The following CREB5 variants were observed in gnomAD, a reference collection of about 807,000 sequenced individuals.
CREB5 encodes cyclic AMP-responsive element-binding protein 5.
In CREB5, 19 loss-of-function variants were observed where a neutral mutation model predicts 57.1. The observed-to-expected ratio is 0.33, with a 90% CI of 0.23 to 0.49. The LOEUF is 0.49. CREB5 is among the 20% of genes least tolerant of loss of function. The probability of loss-of-function intolerance (pLI) is 0.99; values close to 1 mark genes in which losing one functional copy is unlikely to be tolerated. For missense variants in CREB5, 579 were observed against 671.6 expected, an observed-to-expected ratio of 0.86 and a Z score of 1.52; for synonymous variants, 238 against 238.3, an observed-to-expected ratio of 1.00 and a Z score of 0.01.
chr7:28,321,456 G>C (rs760098347), intron 1 of CREB5, among the ~76,000 whole-genome samples: 1 of 152,050 alleles, frequency 6.6e-6, no homozygotes, highest in Non-Finnish European at 1.5e-5. Context: ...TCTATCACAG[G>C]GTTCTTTGTT....
intron 8 of CREB5, among the ~76,000 whole-genome samples, chr7:28,804,969 G>A (rs1808621745): frequency 6.6e-6 from 1 of 152,188 alleles, no homozygotes; most frequent in Non-Finnish European, 1.5e-5. Flanking sequence ...TAAAATGGAA[G>A]TTAAATACAA....
intron 1 of CREB5, among the ~76,000 whole-genome samples, chr7:28,301,303 G>A (rs1454808736): frequency 6.6e-6 from 1 of 152,214 alleles, no homozygotes; most frequent in East Asian, 1.9e-4. Context: ...ACTAGTGTGT[G>A]TGGGAGCAAA....
chr7:28,759,868 G>A (rs1034475092), intron 7 of CREB5, among the ~76,000 whole-genome samples: 6 of 152,186 alleles, frequency 3.9e-5, no homozygotes, highest in East Asian at 1.9e-4. Flanking sequence ...GTGGTATGCC[G>A]TGGTTGTTTA....
intron 5 of CREB5, among the ~76,000 whole-genome samples, chr7:28,635,977 G>T (rs527338774): frequency 1.1e-3 from 171 of 152,276 alleles, no homozygotes; most frequent in African/African-American, 3.9e-3. Context: ...AGTTGAGCAT[G>T]CCAGAAGAAT....
chr7:28,557,732 C>A (rs950806533), intron 4 of CREB5, among the ~76,000 whole-genome samples: 5 of 152,096 alleles, frequency 3.3e-5, no homozygotes, highest in African/African-American at 4.8e-5. Flanking sequence ...TGGGAAGAAG[C>A]CTTCCAGTTT....
At chr7:28,338,392 C>G (rs1785869224) in intron 1 of CREB5, among the ~76,000 whole-genome samples, 2 of 152,112 alleles carry the variant, frequency 1.3e-5, no homozygotes, top group Non-Finnish European at 2.9e-5. Flanking sequence ...AGCAGACATA[C>G]TATCCCAGGG....
chr7:28,707,438 T>C (rs1802173673), intron 5 of CREB5, among the ~76,000 whole-genome samples: 1 of 152,210 alleles, frequency 6.6e-6, no homozygotes, highest in Non-Finnish European at 1.5e-5. Flanking sequence ...ACACTCCTGG[T>C]CGGTGGCAGA....
chr7:28,377,421 T>A (rs1447056371), intron 1 of CREB5, among the ~76,000 whole-genome samples: 1 of 152,048 alleles, frequency 6.6e-6, no homozygotes, highest in Non-Finnish European at 1.5e-5. Flanking sequence ...CTGTTTGTTT[T>A]TACTTTTCAA....
At chr7:28,772,014 T>C (rs17730621) in intron 7 of CREB5, among the ~76,000 whole-genome samples, 58,314 of 151,980 alleles carry the variant, frequency 0.38, 11,536 homozygotes, top group East Asian at 0.71. Context: ...TGGTAAAAAC[T>C]GGACAGCAAA....
At chr7:28,772,724 A>T (rs1806394984) in intron 7 of CREB5, among the ~76,000 whole-genome samples, 1 of 152,232 alleles carries the variant, frequency 6.6e-6, no homozygotes, top group South Asian at 2.1e-4. Flanking sequence ...ATTTTTTGAT[A>T]AACTAACTGC....
intron 7 of CREB5, among the ~76,000 whole-genome samples, chr7:28,799,329 T>TTA (rs1372083056): frequency 6.6e-6 from 1 of 152,228 alleles, no homozygotes; most frequent in Non-Finnish European, 1.5e-5. Context: ...AAGCTTGGTT[T>TTA]TATGCATCTT....
intron 4 of CREB5, among the ~76,000 whole-genome samples, chr7:28,552,839 T>A (rs1336318915): frequency 6.6e-6 from 1 of 152,194 alleles, no homozygotes; most frequent in Non-Finnish European, 1.5e-5. Context: ...AAGTACGAGG[T>A]AGGCATGATC....
At chr7:28,410,560 C>T (rs1218616303), upstream of CREB5, 2 of 456,562 alleles carry the variant, frequency 4.4e-6, no homozygotes, top group Non-Finnish European at 8.8e-6. Flanking sequence ...AGCCCTAGAC[C>T]TTGTCCACAC....
At position 28,543,870 on chromosome 7, in the gene CREB5, C is replaced by G. The variant is rs160368; in HGVS notation, c.292-26495C>G. On this transcript the variant is annotated intron_variant, in intron 4 of 10. Coordinates refer to ENST00000357727, the MANE Select transcript of CREB5 (RefSeq NM_182898.4). ...CTGGACCAGGTGCCTGGGGACCAGT[C>G]ACATAATATGTGATTCACCATATTA... is the stretch of plus-strand genomic sequence containing the variant. Among the ~76,000 whole-genome samples the G allele has an allele frequency of 7.5e-3, 1,138 of 151,234 alleles. 14 individuals carry two copies. The highest frequency in any genetic ancestry group is 0.026 in the African/African-American group (1,066 of 41,086).
At chr7:28,458,994 C>T (rs574326218) in intron 1 of CREB5, among the ~76,000 whole-genome samples, 2 of 152,218 alleles carry the variant, frequency 1.3e-5, no homozygotes, top group East Asian at 3.9e-4. Flanking sequence ...TGGGCTGGGT[C>T]GATGTTGTGC....
intron 5 of CREB5, among the ~76,000 whole-genome samples, chr7:28,574,279 C>T (rs1795821040): frequency 6.6e-6 from 1 of 152,160 alleles, no homozygotes; most frequent in Non-Finnish European, 1.5e-5. Context: ...TGGCAGAATC[C>T]AAACAGTATC....
At chr7:28,554,832 A>T (rs1242849770) in intron 4 of CREB5, among the ~76,000 whole-genome samples, 2 of 152,216 alleles carry the variant, frequency 1.3e-5, no homozygotes, top group African/African-American at 4.8e-5. Context: ...ATGTGAATCT[A>T]GACTGTTCAC....
intron 1 of CREB5, among the ~76,000 whole-genome samples, chr7:28,442,891 T>C (rs537904509): frequency 6.6e-6 from 1 of 152,336 alleles, no homozygotes; most frequent in African/African-American, 2.4e-5. Context: ...AATGCATATG[T>C]AAAATATGTC....
At chr7:28,366,913 G>A (rs1786598492) in intron 1 of CREB5, among the ~76,000 whole-genome samples, 1 of 152,212 alleles carries the variant, frequency 6.6e-6, no homozygotes, top group Admixed American at 6.5e-5. Flanking sequence ...AATCATGAAA[G>A]GAAGTTGGGA....
Sources: allele counts gnomAD v4.1 joint callset (sites outside exome capture counted in the v4.1 genomes callset), GRCh38; gene constraint gnomAD v4.1.1; transcripts MANE v1.5; gene names NCBI Gene and HGNC (gene_info 2026-07-23, HGNC 2026-07-21).